Variants in BICDL1 observed in about 807,000 individuals in gnomAD.
BICDL1 encodes the protein BICD family like cargo adaptor 1.
A neutral mutation model predicts 76.8 loss-of-function variants in BICDL1; 20 were observed. That is an observed-to-expected ratio of 0.26 (90% CI 0.18 to 0.38). BICDL1 has a LOEUF of 0.38. Among genes scored for constraint, BICDL1 ranks in the 10% least tolerant of loss-of-function variants. BICDL1 has a pLI of 1.00. For missense variants in BICDL1, 700 were observed against 798.6 expected (o/e 0.88, Z 1.49); for synonymous variants, 383 against 337.1 (o/e 1.14, Z -1.49).
chr12:120,063,366 C>G (rs772359134), intron 3 of BICDL1, among the ~76,000 whole-genome samples: 5 of 152,118 alleles, frequency 3.3e-5, no homozygotes, highest in Non-Finnish European at 7.3e-5. Context: ...CTTTGTTTGG[C>G]CAGATATCTG....
At chr12:120,065,006 C>G (rs1210469651) in intron 4 of BICDL1, 127 bp downstream of exon 4, 1 of 1,055,726 alleles carries the variant, frequency 9.5e-7, no homozygotes, top group Non-Finnish European at 1.4e-6. Flanking sequence ...GCTGAGGTCT[C>G]GCTGTGGGGC....
At chr12:120,014,608 C>T (rs887400677) in intron 2 of BICDL1, among the ~76,000 whole-genome samples, 4 of 151,762 alleles carry the variant, frequency 2.6e-5, no homozygotes, top group Non-Finnish European at 4.4e-5. Flanking sequence ...AAGAGAATCG[C>T]TTGAACCCAG....
intron 9 of BICDL1, chr12:120,091,382 A>C (rs1240843059): frequency 2.0e-6 from 2 of 1,009,972 alleles, no homozygotes; most frequent in African/African-American, 3.5e-5. Flanking sequence ...TGCCAAACAA[A>C]ACATTGGCAG....
chr12:120,046,682 A>G (rs1380872716), intron 2 of BICDL1, among the ~76,000 whole-genome samples: 3 of 152,204 alleles, frequency 2.0e-5, no homozygotes, highest in African/African-American at 7.2e-5. Context: ...AGTTCAAAGC[A>G]TAGTAGTGTT....
At chr12:120,025,936 C>G (rs1416451244) in intron 2 of BICDL1, among the ~76,000 whole-genome samples, 2 of 152,126 alleles carry the variant, frequency 1.3e-5, no homozygotes, top group Non-Finnish European at 2.9e-5. Context: ...CTCCAGGGTT[C>G]AAGTGATTCT....
At chr12:120,031,180 T>C (rs1158065649) in intron 2 of BICDL1, among the ~76,000 whole-genome samples, 2 of 151,624 alleles carry the variant, frequency 1.3e-5, no homozygotes, top group Non-Finnish European at 2.9e-5. Flanking sequence ...ACCTATCACC[T>C]GTATTTTATA....
chr12:120,056,678 C>T (rs1190476813), intron 2 of BICDL1, among the ~76,000 whole-genome samples: 2 of 151,852 alleles, frequency 1.3e-5, no homozygotes, highest in Admixed American at 6.6e-5. Flanking sequence ...GATCGCGCTA[C>T]TGCACTCCAG....
At position 120,015,858 on chromosome 12, in the gene BICDL1, A is replaced by G. The variant is rs371473724; in HGVS notation, c.645+17122A>G. On this transcript the variant is annotated intron_variant, in intron 2 of 9. Transcript: ENST00000548673. ...CAGTGTAAGGAACCCCCTTTTTAAAACCTAATCCAATGACCTTCTACAATA... is the reference window on the plus strand; with the variant it reads ...CAGTGTAAGGAACCCCCTTTTTAAAGCCTAATCCAATGACCTTCTACAATA... Among the ~76,000 whole-genome samples the G allele has an allele frequency of 4.6e-5, 7 of 152,254 alleles. No homozygotes were observed. The South Asian group carries it at 1.2e-3, about 27-fold the overall frequency.
At chr12:120,092,125 T>G (rs1341246001) in intron 9 of BICDL1, 2 of 985,332 alleles carry the variant, frequency 2.0e-6, no homozygotes, top group East Asian at 1.1e-4. Flanking sequence ...TTTCAAACTT[T>G]GTTAGTGGCA....
At chr12:120,039,637 C>CAAAAAAAAAAAAAAA (rs58284420) in intron 2 of BICDL1, among the ~76,000 whole-genome samples, 1 of 54,760 alleles carries the variant, frequency 1.8e-5, no homozygotes, top group African/African-American at 7.0e-5. Context: ...GACTCCGTCT[C>CAAAAAAAAAAAAAAA]AAAAAAAAAA....
intron 1 of BICDL1, chr12:119,993,182 C>G (rs1951563709): frequency 6.7e-6 from 1 of 148,466 alleles, no homozygotes; most frequent in African/African-American, 2.5e-5. Flanking sequence ...CCAAGATGTT[C>G]TCGAGCTCCT....
At chr12:120,004,972 C>G (rs1951824246) in intron 2 of BICDL1, among the ~76,000 whole-genome samples, 1 of 152,148 alleles carries the variant, frequency 6.6e-6, no homozygotes, top group Non-Finnish European at 1.5e-5. Flanking sequence ...CAGGCGCCCG[C>G]CACTATACCC....
intron 4 of BICDL1, among the ~76,000 whole-genome samples, chr12:120,070,141 A>G (rs1266227768): frequency 6.6e-6 from 1 of 152,234 alleles, no homozygotes; most frequent in Non-Finnish European, 1.5e-5. Flanking sequence ...GTCTACAGCT[A>G]AAAGTGGAAT....
intron 9 of BICDL1, 130 bp from the exon 10 acceptor site, chr12:120,092,870 T>C: frequency 6.9e-7 from 1 of 1,447,818 alleles, no homozygotes; most frequent in Non-Finnish European, 9.1e-7. Flanking sequence ...GTCAGGGCAG[T>C]CCCGGCTGCA....
chr12:120,025,125 C>G (rs1283741612), intron 2 of BICDL1, among the ~76,000 whole-genome samples: 1 of 150,538 alleles, frequency 6.6e-6, no homozygotes, highest in African/African-American at 2.5e-5. Context: ...TCTCAGCTCA[C>G]TGCAGGCTCC....
intron 8 of BICDL1, among the ~76,000 whole-genome samples, chr12:120,086,159 C>T (rs902540134): frequency 1.3e-5 from 2 of 152,152 alleles, no homozygotes; most frequent in Non-Finnish European, 2.9e-5. Context: ...GAAGGATGCC[C>T]CCAGTAGGGA....
At chr12:120,085,010 T>G (rs895203383) in intron 8 of BICDL1, among the ~76,000 whole-genome samples, 1 of 152,214 alleles carries the variant, frequency 6.6e-6, no homozygotes, top group Non-Finnish European at 1.5e-5. Flanking sequence ...TTGGGTCCCC[T>G]TTTCTTTCTG....
At chr12:120,013,556 G>C (rs1467500040) in intron 2 of BICDL1, among the ~76,000 whole-genome samples, 1 of 150,376 alleles carries the variant, frequency 6.6e-6, no homozygotes, top group African/African-American at 2.4e-5. Context: ...CCGCCTCCTG[G>C]GTTCAAGTGA....
At chr12:120,002,283 G>A (rs557149498) in intron 2 of BICDL1, among the ~76,000 whole-genome samples, 8 of 152,124 alleles carry the variant, frequency 5.3e-5, no homozygotes, top group African/African-American at 1.9e-4. Flanking sequence ...ACATTCTGAG[G>A]TACTGGGTTT....
Sources: allele counts gnomAD v4.1 joint callset (sites outside exome capture counted in the v4.1 genomes callset), GRCh38; gene constraint gnomAD v4.1.1; transcripts MANE v1.5; gene names NCBI Gene and HGNC (gene_info 2026-07-23, HGNC 2026-07-21).